Variants in RELN observed in about 807,000 individuals in gnomAD.
RELN encodes reelin.
A neutral mutation model predicts 427.6 loss-of-function variants in RELN; 108 were observed. The ratio of observed to expected loss-of-function variants is 0.25; its 90% CI spans 0.22 to 0.30. The LOEUF (loss-of-function observed/expected upper bound fraction) is 0.30, where lower values mean the gene tolerates loss of function less well. Ranked by LOEUF, RELN falls within the 10% of genes least tolerant of loss-of-function variation. The pLI is 1.00. For synonymous variants in RELN, 1,524 were observed against 1,513.4 expected (o/e 1.01, Z -0.16); for missense variants, 3,715 against 4,302.8 (o/e 0.86, Z 3.82).
At chr7:103,555,037 T>C (rs1281500802) in intron 38 of RELN, among the ~76,000 whole-genome samples, 2 of 152,206 alleles carry the variant, frequency 1.3e-5, no homozygotes, top group Admixed American at 1.3e-4. Flanking sequence ...GTTTTTCATA[T>C]CTTCTATGTT....
At chr7:103,890,030 T>C (rs1794810851) in intron 2 of RELN, among the ~76,000 whole-genome samples, 1 of 152,030 alleles carries the variant, frequency 6.6e-6, no homozygotes, top group Admixed American at 6.6e-5. Flanking sequence ...AATGCACCCC[T>C]CCTCTCTCAC....
At chr7:103,608,680 T>C (rs1043103233) in intron 22 of RELN, among the ~76,000 whole-genome samples, 2 of 152,194 alleles carry the variant, frequency 1.3e-5, no homozygotes, top group African/African-American at 2.4e-5. Flanking sequence ...TAAACGCTTA[T>C]GGGTTAATAT....
chr7:103,503,102 A>G lies in RELN; in HGVS notation c.8403T>C (p.Ser2801=), dbSNP rs762857641. ...ATACAGATGGCTGAGAAACACTTCC[A>G]GAGCATTTTGGGTCAGCAGGCAAGC... ...PQCLPADPKC[S]GSVSQPSVFF... The change falls in exon 52 of 65, where the codon TCT becomes TCC. Residue 2801 remains serine (S), a synonymous_variant. Transcript: ENST00000428762. 1 of 1,614,218 alleles carries G rather than the reference A, an allele frequency of 6.2e-7. No individual in the cohort carries two copies. Among genetic ancestry groups the G allele is most frequent in the South Asian group, 1.1e-5 (1 of 91,082 alleles).
intron 12 of RELN, among the ~76,000 whole-genome samples, chr7:103,656,807 A>G (rs372929109): frequency 6.6e-6 from 1 of 152,164 alleles, no homozygotes; most frequent in South Asian, 2.1e-4. Context: ...TTTTCATTAG[A>G]TACTTACTAT....
At chr7:103,604,918 C>T (rs1000931622) in intron 22 of RELN, among the ~76,000 whole-genome samples, 1 of 151,586 alleles carries the variant, frequency 6.6e-6, no homozygotes, top group Non-Finnish European at 1.5e-5. Context: ...CAACATCCGC[C>T]TCCTGGGTTC....
chr7:103,731,087 T>C (rs1368223900), intron 6 of RELN, among the ~76,000 whole-genome samples: 2 of 152,088 alleles, frequency 1.3e-5, no homozygotes, highest in African/African-American at 2.4e-5. Flanking sequence ...GATGCAATGA[T>C]AGCTATTTAC....
chr7:103,717,875 TCTC>T (rs1164407192), intron 8 of RELN, among the ~76,000 whole-genome samples: 5 of 152,264 alleles, frequency 3.3e-5, no homozygotes, highest in Admixed American at 3.3e-4. Context: ...GGAATCGATT[TCTC>T]CTCCTCTTGA....
intron 2 of RELN, among the ~76,000 whole-genome samples, chr7:103,879,677 G>A (rs1040402690): frequency 5.3e-5 from 8 of 152,146 alleles, no homozygotes; most frequent in African/African-American, 1.7e-4. Context: ...TGCAACATAC[G>A]CATTTTCATC....
At chr7:103,909,694 T>A (rs1795301117) in intron 2 of RELN, among the ~76,000 whole-genome samples, 3 of 68,200 alleles carry the variant, frequency 4.4e-5, no homozygotes, top group Admixed American at 2.2e-4. Flanking sequence ...AATAAATATA[T>A]ATATTTAATA....
intron 11 of RELN, among the ~76,000 whole-genome samples, chr7:103,673,735 A>G (rs962517009): frequency 6.6e-6 from 1 of 151,990 alleles, no homozygotes; most frequent in Non-Finnish European, 1.5e-5. Flanking sequence ...CAGAACTTCA[A>G]GATAACTGCT....
At chr7:103,597,417 A>G (rs1030451873) in intron 24 of RELN, among the ~76,000 whole-genome samples, 2 of 152,206 alleles carry the variant, frequency 1.3e-5, no homozygotes, top group Admixed American at 1.3e-4. Context: ...AGCCTGGCCA[A>G]CATGGTGAAA....
Position 103,824,139 on chromosome 7 carries a change from TTAGA to T in RELN, c.473+9394_473+9397del, listed in dbSNP as rs1158436795. 6.6e-6 allele frequency among the ~76,000 whole-genome samples: 1 copy of T among 152,094 alleles called. No individual in the cohort carries two copies. The highest frequency in any genetic ancestry group is 1.5e-5 in the Non-Finnish European group (1 of 68,008). On this transcript the variant is annotated intron_variant, in intron 3 of 64. Transcript: ENST00000428762. This position sits in a 1 kb window ranked among gnomAD's most constrained non-coding sequence, Gnocchi z 4.4. Reference sequence around the variant, plus strand: ...TACTAATTTATTTTATTTATCTTGCTTAGATAGAAAACACACACATCTTCCTCAG... The same window carrying T: ...TACTAATTTATTTTATTTATCTTGCTTAGAAAACACACACATCTTCCTCAG...
At position 103,483,682 on chromosome 7, in the gene RELN, T is replaced by C. The variant is rs763193763; in HGVS notation, c.10152A>G (p.Gln3384=). Reference sequence around the variant, plus strand: ...GGACATTGTAAGACACTCTCTGAGCTTGTGTGAAGTCCTTTGGCTGGTGCT... The same window carrying C: ...GGACATTGTAAGACACTCTCTGAGCCTGTGTGAAGTCCTTTGGCTGGTGCT... ...IAQHQPKDFT[Q]AQRVSYNVPL... The change falls in exon 62 of 65, where the codon CAA becomes CAG. Residue 3384 remains glutamine (Q), a synonymous_variant. Coordinates refer to ENST00000428762, the MANE Select transcript of RELN (RefSeq NM_005045.4). 4 of 1,614,190 alleles carry C rather than the reference T, an allele frequency of 2.5e-6. No individual in the cohort carries two copies. In the Admixed American group the frequency reaches 5.0e-5, roughly 20 times the overall value.
In RELN at chr7:103,870,912, C is replaced by A. The variant is rs181205498; in HGVS notation, c.338-37240G>T. The stretch of plus-strand genomic sequence containing the variant: ...AGCTCCACAGATTCCTGCCAATTCA[C>A]CTGTCTCGAATTGTGATCTCTACCT... On this transcript the variant is annotated intron_variant, in intron 2 of 64. Coordinates refer to ENST00000428762, the MANE Select transcript of RELN (RefSeq NM_005045.4). Among the ~76,000 whole-genome samples, 40 of 152,254 alleles carry A rather than the reference C, an allele frequency of 2.6e-4. 1 individual carries two copies. The East Asian group carries it at 6.8e-3, about 26-fold the overall frequency.
intron 2 of RELN, among the ~76,000 whole-genome samples, chr7:103,891,937 AG>A (rs1208457253): frequency 6.6e-6 from 1 of 152,180 alleles, no homozygotes; most frequent in Non-Finnish European, 1.5e-5. Context: ...AATGAACAAA[AG>A]GAAGGAAGAA....
At chr7:103,590,655 A>G (rs191959094) in intron 27 of RELN, among the ~76,000 whole-genome samples, 253 of 152,318 alleles carry the variant, frequency 1.7e-3, no homozygotes, top group African/African-American at 5.5e-3. Context: ...TTATCACAGC[A>G]TCAAATAAGC....
rs906928526 is a variant in RELN, at chr7:103,988,934, G to A, written c.226+197C>T. On this transcript the variant is annotated intron_variant, in intron 1 of 64. Coordinates refer to ENST00000428762, the MANE Select transcript of RELN (RefSeq NM_005045.4). The surrounding 1 kb of genome is among the most constrained non-coding windows in gnomAD (Gnocchi z 4.9). Reference sequence around the variant, plus strand: ...CCAGGAGATGCGTTCGGGGAGTGGGGACATGGAGAATGAATCCCAACTTGT... The same window carrying A: ...CCAGGAGATGCGTTCGGGGAGTGGGAACATGGAGAATGAATCCCAACTTGT... Among the ~76,000 whole-genome samples, 7 of 152,178 alleles carry A rather than the reference G, an allele frequency of 4.6e-5. No homozygotes were observed. The highest frequency in any genetic ancestry group is 1.0e-4 in the Non-Finnish European group (7 of 68,022).
chr7:103,703,629 T>G (rs935122499), intron 8 of RELN, among the ~76,000 whole-genome samples: 13 of 152,160 alleles, frequency 8.5e-5, no homozygotes, highest in African/African-American at 2.9e-4. Context: ...ATTGCCAAAG[T>G]TGAAATTTAA....
chr7:103,737,445 A>G (rs138734401), intron 6 of RELN, among the ~76,000 whole-genome samples: 1 of 152,288 alleles, frequency 6.6e-6, no homozygotes, highest in African/African-American at 2.4e-5. Flanking sequence ...TAAATGGAGG[A>G]GTCTTCTGTT....
Sources: allele counts gnomAD v4.1 joint callset (sites outside exome capture counted in the v4.1 genomes callset), GRCh38; gene constraint gnomAD v4.1.1; non-coding constraint Gnocchi (gnomAD v3.1); transcripts MANE v1.5; gene names NCBI Gene and HGNC (gene_info 2026-07-23, HGNC 2026-07-21).